WDFY3: variants seen among roughly 807,000 people sequenced by gnomAD.
WDFY3 encodes the protein WD repeat and FYVE domain-containing protein 3.
In WDFY3, 66 loss-of-function variants were observed where a neutral mutation model predicts 409.6. The ratio of observed to expected loss-of-function variants is 0.16; its 90% CI spans 0.13 to 0.20. WDFY3 has a LOEUF of 0.20. Ranked by LOEUF, WDFY3 falls within the 10% of genes least tolerant of loss-of-function variation. WDFY3 has a pLI of 1.00. For synonymous variants in WDFY3, 1,521 were observed against 1,537.1 expected (o/e 0.99, Z 0.25); for missense variants, 3,031 against 4,298.1 (o/e 0.71, Z 8.24).
chr4:84,724,228 A>G (rs1735290055), intron 46 of WDFY3, among the ~76,000 whole-genome samples, 198 bp downstream of exon 46: 1 of 152,236 alleles, frequency 6.6e-6, no homozygotes, highest in African/African-American at 2.4e-5. Flanking sequence ...CGTGATATTC[A>G]TTTGTAGGCA....
chr4:84,722,989 T>C (rs749322449), intron 46 of WDFY3, among the ~76,000 whole-genome samples: 14 of 152,232 alleles, frequency 9.2e-5, no homozygotes, highest in Non-Finnish European at 1.3e-4. Context: ...TCCATTTCTA[T>C]GTCTAGCATA....
At chr4:84,754,886 A>C (rs1033810699) in intron 34 of WDFY3, among the ~76,000 whole-genome samples, 5 of 152,158 alleles carry the variant, frequency 3.3e-5, no homozygotes, top group African/African-American at 9.7e-5. Flanking sequence ...CTTACGAAGC[A>C]CTTATTATGT....
chr4:84,880,902 T>C (rs1763447026), intron 3 of WDFY3, among the ~76,000 whole-genome samples: 1 of 150,498 alleles, frequency 6.6e-6, no homozygotes, highest in Non-Finnish European at 1.5e-5. Context: ...ATTTATTTTT[T>C]AGTAGAGAGG....
intron 1 of WDFY3, among the ~76,000 whole-genome samples, chr4:84,959,362 A>G (rs539936247): frequency 6.6e-6 from 1 of 152,228 alleles, no homozygotes; most frequent in Admixed American, 6.5e-5. Context: ...ACAAAAAACA[A>G]TTCATTTTGG....
chr4:84,782,819 C>A, intron 25 of WDFY3, 144 bp downstream of exon 25: 1 of 618,444 alleles, frequency 1.6e-6, no homozygotes, highest in Non-Finnish European at 2.8e-6. Flanking sequence ...GAGATTGTTA[C>A]ATGTAATCTC....
intron 54 of WDFY3, among the ~76,000 whole-genome samples, chr4:84,704,974 A>G (rs906427370): frequency 2.0e-5 from 3 of 152,226 alleles, no homozygotes; most frequent in Non-Finnish European, 2.9e-5. Flanking sequence ...AACATAATAA[A>G]TAACAAGTAA....
intron 25 of WDFY3, among the ~76,000 whole-genome samples, 189 bp from the exon 26 acceptor site, chr4:84,780,487 G>A (rs1026784972): frequency 2.0e-5 from 3 of 152,102 alleles, no homozygotes; most frequent in Non-Finnish European, 2.9e-5. Flanking sequence ...GGCTGGGCAC[G>A]GTGGCTCACA....
intron 56 of WDFY3, among the ~76,000 whole-genome samples, chr4:84,698,462 G>A (rs964181795): frequency 2.0e-5 from 3 of 151,536 alleles, no homozygotes; most frequent in Admixed American, 6.6e-5. Context: ...TTGAAGGGAC[G>A]AGGTTTTGCT....
intron 9 of WDFY3, among the ~76,000 whole-genome samples, chr4:84,828,533 C>T (rs1175150625): frequency 6.6e-6 from 1 of 152,192 alleles, no homozygotes; most frequent in Non-Finnish European, 1.5e-5. Flanking sequence ...CCTCTGACTT[C>T]ATCATGTTTG....
intron 17 of WDFY3, among the ~76,000 whole-genome samples, chr4:84,799,958 T>C (rs1750208281): frequency 6.6e-6 from 1 of 152,200 alleles, no homozygotes; most frequent in South Asian, 2.1e-4. Context: ...GGTAAAATAG[T>C]AGCATTAGGT....
Position 84,738,309 on chromosome 4 carries a change from G to C in WDFY3, c.6574+701C>G, listed in dbSNP as rs74602683. On this transcript the variant is annotated intron_variant, in intron 40 of 67. Coordinates refer to ENST00000295888, the MANE Select transcript of WDFY3 (RefSeq NM_014991.6). ...GGGAAAACCAGATTGAAAAAAAAAA[G>C]AGAGGGGCTGGGCATGGTAGCTCAC... is the stretch of plus-strand genomic sequence containing the variant. 8.9e-3 allele frequency among the ~76,000 whole-genome samples: 1,348 copies of C among 151,692 alleles called. 17 individuals carry two copies. Among genetic ancestry groups the C allele is most frequent in the African/African-American group, 0.031 (1,287 of 41,398 alleles).
intron 59 of WDFY3, among the ~76,000 whole-genome samples, chr4:84,692,625 T>C (rs1729444204): frequency 6.6e-6 from 1 of 152,066 alleles, no homozygotes; most frequent in Admixed American, 6.5e-5. Flanking sequence ...TTTAGAGCTT[T>C]GATTATCTTA....
In WDFY3 at chr4:84,820,054, C is replaced by A. The variant is rs191020772; in HGVS notation, c.1693+31G>T. ...GAAGATGTAATCAGTGGTAATCTCC[C>A]AAAGTATTTGCTTGCAGCTTTTTAA... On this transcript the variant is annotated intron_variant, in intron 12 of 67. Coordinates refer to ENST00000295888, the MANE Select transcript of WDFY3 (RefSeq NM_014991.6). 4.1e-4 allele frequency: 632 copies of A among 1,557,808 alleles called. 3 individuals are homozygous for A. The African/African-American group carries it at 8.0e-3, about 20-fold the overall frequency.
chr4:84,776,775 T>C (rs1745616582), intron 27 of WDFY3, among the ~76,000 whole-genome samples: 1 of 152,108 alleles, frequency 6.6e-6, no homozygotes, highest in Non-Finnish European at 1.5e-5. Flanking sequence ...GGTTTGGATA[T>C]TAGAACTTTG....
intron 8 of WDFY3, 112 bp downstream of exon 8, chr4:84,831,298 ATTT>A: frequency 1.1e-6 from 1 of 878,066 alleles, no homozygotes; most frequent in Non-Finnish European, 1.5e-6. Context: ...GGGCAAATTT[ATTT>A]TTTATTTTAA....
intron 27 of WDFY3, among the ~76,000 whole-genome samples, chr4:84,775,716 T>C (rs998567815): frequency 6.6e-6 from 1 of 151,282 alleles, no homozygotes; most frequent in African/African-American, 2.4e-5. Context: ...AAATAATGGC[T>C]AAAAAATTCA....
rs1250894623 is a variant in WDFY3 at position 84,798,061 on chromosome 4, T to C, written c.2870A>G (p.Lys957Arg). ...GACCCTATATTGTTTTAGCAGTTTT[T>C]TGTCCCAGGCACCACAATTTAAAGG... ...ASPLNCGAWDKKLLKQYRVHK... is the reference protein window; with the variant it reads ...ASPLNCGAWDRKLLKQYRVHK... The change falls in exon 18 of 68, where the codon AAA becomes AGA. Residue 957 changes from lysine to arginine, a missense_variant. Transcript: ENST00000295888. 1.2e-6 allele frequency: 2 copies of C among 1,613,564 alleles called. No homozygotes were observed. The highest frequency in any genetic ancestry group is 3.3e-5 in the Admixed American group (2 of 59,970).
At chr4:84,801,908 G>A in intron 16 of WDFY3, 44 bp from the exon 17 acceptor site, 2 of 1,564,954 alleles carry the variant, frequency 1.3e-6, no homozygotes, top group Non-Finnish European at 8.8e-7. Context: ...CATTCTTAGT[G>A]AGAAAGATGA....
chr4:84,720,567 C>T (rs531746142), intron 47 of WDFY3, among the ~76,000 whole-genome samples: 3 of 152,132 alleles, frequency 2.0e-5, no homozygotes, highest in Admixed American at 6.5e-5. Context: ...GTTGTCCTGG[C>T]GGTAATGAGT....
Sources: gnomAD v4.1 joint callset for allele counts (sites outside exome capture counted in the v4.1 genomes callset) on GRCh38, gnomAD v4.1.1 for gene constraint, MANE v1.5 for transcripts, NCBI Gene and HGNC (gene_info 2026-07-23, HGNC 2026-07-21) for gene names.